DNAJC6: variants seen among roughly 807,000 people sequenced by gnomAD.
DNAJC6 encodes auxilin.
A neutral mutation model predicts 110.0 loss-of-function variants in DNAJC6; 34 were observed. That is an observed-to-expected ratio of 0.31 (90% CI 0.24 to 0.41). DNAJC6 has a LOEUF of 0.41. Among genes scored for constraint, DNAJC6 ranks in the 10% least tolerant of loss-of-function variants. The probability of loss-of-function intolerance (pLI) is 1.00; values close to 1 mark genes in which losing one functional copy is unlikely to be tolerated. For synonymous variants in DNAJC6, 406 were observed against 437.2 expected, an observed-to-expected ratio of 0.93 and a Z score of 0.89; for missense variants, 1,031 against 1,207.8, an observed-to-expected ratio of 0.85 and a Z score of 2.17.
At chr1:65,355,882 C>T (rs946536682) in intron 1 of DNAJC6, among the ~76,000 whole-genome samples, 154 of 82,732 alleles carry the variant, frequency 1.9e-3, no homozygotes, top group Middle Eastern at 0.011. Flanking sequence ...AACAGCATGG[C>T]TTTTTTTTTT....
At chr1:65,317,243 G>T (rs575938752) in intron 1 of DNAJC6, among the ~76,000 whole-genome samples, 1 of 152,242 alleles carries the variant, frequency 6.6e-6, no homozygotes, top group South Asian at 2.1e-4. Flanking sequence ...TGTTGCGAAA[G>T]GTGTAACTCT....
intron 1 of DNAJC6, among the ~76,000 whole-genome samples, chr1:65,310,205 G>T (rs1164170728): frequency 6.6e-6 from 1 of 151,956 alleles, no homozygotes; most frequent in African/African-American, 2.4e-5. Context: ...GCAGCTGGGG[G>T]CGGGGAGGGG....
intron 4 of DNAJC6, among the ~76,000 whole-genome samples, chr1:65,372,058 G>C (rs1439370174): frequency 6.6e-6 from 1 of 151,836 alleles, no homozygotes; most frequent in East Asian, 1.9e-4. Flanking sequence ...ACTTGATTGA[G>C]TTAATGATTC....
At chr1:65,293,020 C>T (rs1644894636) in intron 1 of DNAJC6, among the ~76,000 whole-genome samples, 1 of 152,146 alleles carries the variant, frequency 6.6e-6, no homozygotes, top group Admixed American at 6.5e-5. Flanking sequence ...AGAAGAGGAG[C>T]CAAGAGAGCA....
At chr1:65,385,141 T>A (rs913823274) in intron 6 of DNAJC6, among the ~76,000 whole-genome samples, 22 of 152,220 alleles carry the variant, frequency 1.4e-4, no homozygotes, top group African/African-American at 5.1e-4. Context: ...GGAAACCTGA[T>A]TTAACAAAGG....
At chr1:65,374,991 G>A (rs1328782849) in intron 4 of DNAJC6, among the ~76,000 whole-genome samples, 1 of 120,302 alleles carries the variant, frequency 8.3e-6, no homozygotes, top group East Asian at 5.2e-4. Flanking sequence ...TTTTTTTTGA[G>A]ACGGAGTTTT....
chr1:65,396,370 C>T (rs1316824518), intron 13 of DNAJC6, among the ~76,000 whole-genome samples: 3 of 152,122 alleles, frequency 2.0e-5, no homozygotes, highest in Admixed American at 6.5e-5. Context: ...GCATGAAAAC[C>T]AAAGTCCTTG....
Position 65,414,834 on chromosome 1 carries a change from T to C in DNAJC6, c.*1809T>C, listed in dbSNP as rs1046113143. Reference sequence around the variant, plus strand: ...ACCTGTTTTTCTTTCTCATTCACATTTGTAGATATTGTGTGAACTACAGTA... The same window carrying C: ...ACCTGTTTTTCTTTCTCATTCACATCTGTAGATATTGTGTGAACTACAGTA... On this transcript the variant is annotated 3_prime_UTR_variant, in exon 19 of 19. Transcript: ENST00000371069. The C allele has an allele frequency of 6.6e-6, 1 of 152,656 alleles. No homozygotes were observed. Among genetic ancestry groups the C allele is most frequent in the Non-Finnish European group, 1.5e-5 (1 of 68,036 alleles). The allele number at this position is 152,656 out of a possible 1,614,324, so 9.5% of individuals were successfully genotyped here. A position where few individuals can be genotyped will look rare whatever the true frequency, so the allele number is the denominator to read the frequency against.
Position 65,290,688 on chromosome 1 carries a change from T to C in DNAJC6, c.-131+25756T>C, listed in dbSNP as rs1019218677. Among the ~76,000 whole-genome samples, 13 of 152,234 alleles carry C rather than the reference T, an allele frequency of 8.5e-5. 1 individual carries two copies. The highest frequency in any genetic ancestry group is 2.9e-4 in the African/African-American group (12 of 41,462). On this transcript the variant is annotated intron_variant, in intron 1 of 19. Coordinates refer to the DNAJC6 transcript ENST00000263441. ...ATGGTGCTGAAGGGCAGTTAGCATT[T>C]GAACTTAATTTCTTTAACTATAGTA...
chr1:65,290,912 C>T lies in DNAJC6; in HGVS notation c.-131+25980C>T, dbSNP rs1294252363. On this transcript the variant is annotated intron_variant, in intron 1 of 19. Transcript: ENST00000263441. ...AGGAAAATGTCCCCATTAGGAAATGCATCATGAAAAATTAAGAGGTGAAGT... is the reference window on the plus strand; with the variant it reads ...AGGAAAATGTCCCCATTAGGAAATGTATCATGAAAAATTAAGAGGTGAAGT... Among the ~76,000 whole-genome samples, 34 of 152,128 alleles carry T rather than the reference C, an allele frequency of 2.2e-4. 1 individual carries two copies. Among genetic ancestry groups the T allele is most frequent in the Admixed American group, 2.2e-3 (34 of 15,276 alleles).
At chr1:65,326,187 G>A (rs1645240403) in intron 1 of DNAJC6, among the ~76,000 whole-genome samples, 1 of 152,202 alleles carries the variant, frequency 6.6e-6, no homozygotes, top group South Asian at 2.1e-4. Flanking sequence ...ACCTGGGACT[G>A]TGTAGAACCC....
intron 4 of DNAJC6, among the ~76,000 whole-genome samples, chr1:65,371,457 C>A (rs1001217447): frequency 6.6e-6 from 1 of 152,094 alleles, no homozygotes; most frequent in Non-Finnish European, 1.5e-5. Flanking sequence ...AGTCATCATG[C>A]AGTAAGTAGT....
Position 65,321,024 on chromosome 1 carries a change from A to G in DNAJC6, c.193+11086A>G, listed in dbSNP as rs111988073. ...TGATATAACTGGTGCTTAGTGAACT[A>G]GGAGGGCATGGCCACAAATGAGGTT... On this transcript the variant is annotated intron_variant, in intron 1 of 18. Transcript: ENST00000371069. Among the ~76,000 whole-genome samples the G allele has an allele frequency of 3.8e-3, 583 of 152,280 alleles. 1 individual carries two copies. Among genetic ancestry groups the G allele is most frequent in the African/African-American group, 0.013 (553 of 41,552 alleles).
intron 16 of DNAJC6, 87 bp from the exon 17 acceptor site, chr1:65,408,554 C>T (rs1404178602): frequency 2.0e-6 from 3 of 1,487,046 alleles, no homozygotes; most frequent in African/African-American, 2.8e-5. Context: ...TTAAAAACAC[C>T]TTGAAGACTC....
rs201708707 is a variant in DNAJC6 at position 65,411,330 on chromosome 1, G to C, written c.2715G>C (p.Glu905Asp). The C allele has an allele frequency of 2.6e-5, 42 of 1,614,066 alleles. No homozygotes were observed. The Admixed American group carries it at 6.8e-4, about 26-fold the overall frequency. Residue 905 changes from glutamate (E) to aspartate (D), a missense_variant, in exon 18 of 19, where the codon GAG becomes GAC. Transcript: ENST00000371069. ...TGCATACCGTACTATGGGCTGGGGAGACCAAGTGGAAACCAGTTGGCATGG... is the reference window on the plus strand; with the variant it reads ...TGCATACCGTACTATGGGCTGGGGACACCAAGTGGAAACCAGTTGGCATGG... ...STMHTVLWAG[E>D]TKWKPVGMAD... is the part of the protein sequence containing the mutation.
At chr1:65,330,469 TG>T (rs1645277906) in intron 1 of DNAJC6, among the ~76,000 whole-genome samples, 1 of 152,090 alleles carries the variant, frequency 6.6e-6, no homozygotes, top group Admixed American at 6.5e-5. Flanking sequence ...CTTTTTTTTT[TG>T]TTTTGTTTTG....
At chr1:65,286,616 G>T (rs966792647) in intron 1 of DNAJC6, among the ~76,000 whole-genome samples, 14 of 152,164 alleles carry the variant, frequency 9.2e-5, no homozygotes, top group African/African-American at 3.1e-4. Flanking sequence ...AAGCCCATGT[G>T]CAGAAGACTA....
chr1:65,310,519 C>T (rs1645089523), intron 1 of DNAJC6, among the ~76,000 whole-genome samples: 1 of 152,160 alleles, frequency 6.6e-6, no homozygotes, highest in African/African-American at 2.4e-5. Flanking sequence ...AGCTCTTTTA[C>T]ACAGCTTTTA....
intron 1 of DNAJC6, chr1:65,279,660 G>T (rs570469883): frequency 2.0e-5 from 3 of 152,124 alleles, no homozygotes; most frequent in Non-Finnish European, 4.4e-5. Flanking sequence ...AAGGCTAGAT[G>T]TTGGGTTTCC....
Sources: gnomAD v4.1 joint callset for allele counts (sites outside exome capture counted in the v4.1 genomes callset) on GRCh38, gnomAD v4.1.1 for gene constraint, MANE v1.5 for transcripts, NCBI Gene and HGNC (gene_info 2026-07-23, HGNC 2026-07-21) for gene names.